The following SBF2 variants were observed in gnomAD, a reference collection of about 807,000 sequenced individuals.
The protein encoded by SBF2 is myotubularin-related protein 13.
A neutral mutation model predicts 225.2 loss-of-function variants in SBF2; 112 were observed. The ratio of observed to expected loss-of-function variants is 0.50; its 90% CI spans 0.43 to 0.58. The LOEUF is 0.58. SBF2 is among the 20% of genes least tolerant of loss of function. The pLI, the probability that SBF2 is intolerant of heterozygous loss-of-function variation, is 0.00. For missense variants in SBF2, 1,996 were observed against 2,206.2 expected, an observed-to-expected ratio of 0.90 and a Z score of 1.91; for synonymous variants, 763 against 773.3, an observed-to-expected ratio of 0.99 and a Z score of 0.22.
At chr11:10,039,442 C>A (rs570418793) in intron 3 of SBF2, among the ~76,000 whole-genome samples, 71 of 151,784 alleles carry the variant, frequency 4.7e-4, no homozygotes, top group African/African-American at 1.6e-3. Flanking sequence ...AGTGGTCTTA[C>A]AATTCTGGCT....
chr11:10,066,803 T>C lies in SBF2; in HGVS notation c.142-23822A>G, dbSNP rs576898411. Among the ~76,000 whole-genome samples, 5 of 152,334 alleles carry C rather than the reference T, an allele frequency of 3.3e-5. No homozygotes were observed. The South Asian group carries it at 6.2e-4, about 19-fold the overall frequency. ...AAGCAAAAAAAAGGAAGGAACCCGA[T>C]TGCTGAAAATCTACAGAGAAAAATC... On this transcript the variant is annotated intron_variant, in intron 2 of 39. Coordinates refer to ENST00000256190, the MANE Select transcript of SBF2 (RefSeq NM_030962.4).
At chr11:10,082,241 C>T (rs977897721) in intron 2 of SBF2, among the ~76,000 whole-genome samples, 5 of 152,046 alleles carry the variant, frequency 3.3e-5, no homozygotes, top group African/African-American at 1.2e-4. Flanking sequence ...AATAAAAATT[C>T]ACCCATCAAC....
chr11:9,986,894 C>T (rs1947219735), intron 13 of SBF2, among the ~76,000 whole-genome samples: 3 of 152,030 alleles, frequency 2.0e-5, no homozygotes, highest in Admixed American at 2.0e-4. Flanking sequence ...CCACAAGATA[C>T]AGAAAGAAGG....
intron 2 of SBF2, among the ~76,000 whole-genome samples, chr11:10,130,398 T>G (rs938690093): frequency 2.6e-5 from 4 of 151,902 alleles, no homozygotes; most frequent in Non-Finnish European, 4.4e-5. Flanking sequence ...TTCTTAACAC[T>G]CTTAACAATA....
chr11:9,825,589 T>A (rs1855016614), intron 28 of SBF2, among the ~76,000 whole-genome samples: 1 of 152,138 alleles, frequency 6.6e-6, no homozygotes, highest in East Asian at 1.9e-4. Context: ...GAAAAGAAAG[T>A]ATCCAAAAAA....
chr11:10,136,329 C>A lies in SBF2; in HGVS notation c.141+57573G>T, dbSNP rs73412870. 7.2e-3 allele frequency among the ~76,000 whole-genome samples: 1,096 copies of A among 152,152 alleles called. 18 individuals carry two copies. Among genetic ancestry groups the A allele is most frequent in the African/African-American group, 0.025 (1,017 of 41,496 alleles). On this transcript the variant is annotated intron_variant, in intron 2 of 39. Coordinates refer to ENST00000256190, the MANE Select transcript of SBF2 (RefSeq NM_030962.4). ...TTCCTTGGTGACAAGCGTATCTTTG[C>A]TCTAATGAAGAAACTCTTGGTGGGC...
chr11:10,052,953 T>C (rs1301441879), intron 2 of SBF2, among the ~76,000 whole-genome samples: 1 of 152,090 alleles, frequency 6.6e-6, no homozygotes, highest in African/African-American at 2.4e-5. Context: ...GAAAGTGAAA[T>C]AAATTTTGTA....
At chr11:10,215,544 G>A (rs1332644585) in intron 1 of SBF2, among the ~76,000 whole-genome samples, 2 of 152,104 alleles carry the variant, frequency 1.3e-5, no homozygotes, top group African/African-American at 4.8e-5. Context: ...GATCGCTTGA[G>A]CCCAGGAGGT....
intron 16 of SBF2, among the ~76,000 whole-genome samples, chr11:9,908,696 C>CTGT (rs1332789590): frequency 6.6e-6 from 1 of 151,282 alleles, no homozygotes. Context: ...CTTGTTGTTG[C>CTGT]TGTTGTTGTT....
intron 33 of SBF2, 29 bp from the exon 34 acceptor site, chr11:9,790,712 A>C: frequency 6.6e-7 from 1 of 1,520,448 alleles, no homozygotes. Flanking sequence ...CAACAAAACA[A>C]AATTAAATAA....
Position 9,853,602 on chromosome 11 carries a change from T to C in SBF2, c.2474A>G (p.Lys825Arg), listed in dbSNP as rs753921188. 151 of 1,613,838 alleles carry C rather than the reference T, an allele frequency of 9.4e-5. 1 individual carries two copies. Among genetic ancestry groups the C allele is most frequent in the Non-Finnish European group, 1.2e-4 (139 of 1,179,942 alleles). Reference sequence around the variant, plus strand: ...AGTAACTCCACTCTCTGTACAAACTTTGTCAATAAATCGGGTAATGAACCG... The same window carrying C: ...AGTAACTCCACTCTCTGTACAAACTCTGTCAATAAATCGGGTAATGAACCG... ...VVRFITRFID[K>R]VCTESGVTQD... is the part of the protein sequence containing the mutation. Residue 825 changes from lysine (K) to arginine (R), a missense_variant, in exon 20 of 40, where the codon AAA becomes AGA. Transcript: ENST00000256190.
chr11:9,943,901 C>A (rs1276860380), intron 16 of SBF2, among the ~76,000 whole-genome samples: 4 of 152,166 alleles, frequency 2.6e-5, no homozygotes, highest in African/African-American at 9.7e-5. Context: ...GAAGCTCTTG[C>A]ACAAGTGCAT....
chr11:9,871,728 T>C (rs1188133360), intron 17 of SBF2, among the ~76,000 whole-genome samples: 1 of 152,054 alleles, frequency 6.6e-6, no homozygotes, highest in South Asian at 2.1e-4. Context: ...CCTGACCTCG[T>C]GAACCGCCTG....
In SBF2 at chr11:9,976,914, C is replaced by T. The variant is rs552487063; in HGVS notation, c.1396-8369G>A. On this transcript the variant is annotated intron_variant, in intron 13 of 39. Coordinates refer to ENST00000256190, the MANE Select transcript of SBF2 (RefSeq NM_030962.4). ...CTCTCCGAGTAGCTGGGACTACACG[C>T]GCCCACCACCATGCCCAGCTAATTT... is the stretch of plus-strand genomic sequence containing the variant. 3.6e-4 allele frequency among the ~76,000 whole-genome samples: 54 copies of T among 152,012 alleles called. 1 individual carries two copies. The highest frequency in any genetic ancestry group is 1.7e-3 in the South Asian group (8 of 4,814).
chr11:10,119,876 T>A (rs1418547436), intron 2 of SBF2, among the ~76,000 whole-genome samples: 2 of 152,212 alleles, frequency 1.3e-5, no homozygotes, highest in East Asian at 3.8e-4. Flanking sequence ...AGACTCCATC[T>A]CAAATTGTAT....
At chr11:10,160,536 C>A (rs79023429) in intron 2 of SBF2, among the ~76,000 whole-genome samples, 20 of 152,196 alleles carry the variant, frequency 1.3e-4, no homozygotes, top group African/African-American at 4.6e-4. Flanking sequence ...AGTACATACA[C>A]CACAATGTTA....
intron 16 of SBF2, chr11:9,929,039 C>A: frequency 2.2e-6 from 1 of 446,896 alleles, no homozygotes; most frequent in South Asian, 1.8e-5. Flanking sequence ...AGTGCTTGTT[C>A]AAGAAGTTTT....
At chr11:10,087,052 C>T (rs1229196850) in intron 2 of SBF2, among the ~76,000 whole-genome samples, 1 of 152,078 alleles carries the variant, frequency 6.6e-6, no homozygotes, top group African/African-American at 2.4e-5. Flanking sequence ...ATTTTATATA[C>T]CAAAGTTTTC....
In SBF2 at chr11:10,196,866, A is replaced by ATATATATT; in HGVS notation, c.56-2880_56-2879insAATATATA. On this transcript the variant is annotated intron_variant, in intron 1 of 39. Transcript: ENST00000256190. ...TATATATATATATATATATATATAT[A>ATATATATT]TTTTTTTTTTCCTACAAAATGAATA... 2.4e-4 allele frequency among the ~76,000 whole-genome samples: 24 copies of ATATATATT among 99,304 alleles called. 1 individual carries two copies. Among genetic ancestry groups the ATATATATT allele is most frequent in the East Asian group, 1.0e-3 (4 of 3,948 alleles). 65.1% of individuals were successfully genotyped at this position (99,304 alleles called of 152,430 possible). A position where few individuals can be genotyped will look rare whatever the true frequency, so the allele number is the denominator to read the frequency against.
Sources: allele counts gnomAD v4.1 joint callset (sites outside exome capture counted in the v4.1 genomes callset), GRCh38; gene constraint gnomAD v4.1.1; transcripts MANE v1.5; gene names NCBI Gene and HGNC (gene_info 2026-07-23, HGNC 2026-07-21).